CPD: variants seen among roughly 807,000 people sequenced by gnomAD.
CPD encodes the protein metallocarboxypeptidase D.
In CPD, 69 loss-of-function variants were observed where a neutral mutation model predicts 138.3. The ratio of observed to expected loss-of-function variants is 0.50; its 90% CI spans 0.41 to 0.61. The LOEUF (loss-of-function observed/expected upper bound fraction) is 0.61. CPD is among the 20% of genes least tolerant of loss of function. The probability of loss-of-function intolerance (pLI) is 0.00; values close to 1 mark genes in which losing one functional copy is unlikely to be tolerated. For synonymous variants in CPD, 651 were observed against 642.1 expected (o/e 1.01, Z -0.21); for missense variants, 1,432 against 1,733.3 (o/e 0.83, Z 3.09).
chr17:30,455,818 C>A (rs79958328), intron 15 of CPD: 79 of 248,562 alleles, frequency 3.2e-4, no homozygotes, highest in Non-Finnish European at 5.7e-4. Flanking sequence ...ACTAACAGTA[C>A]AGATTTGTCC....
rs773078547 is a variant in CPD at position 30,379,585 on chromosome 17, C to T, written c.605C>T (p.Pro202Leu). The T allele has an allele frequency of 6.7e-7, 1 of 1,501,144 alleles. No homozygotes were observed. Among genetic ancestry groups the T allele is most frequent in the East Asian group, 2.7e-5 (1 of 37,716 alleles). 93.0% of individuals were successfully genotyped at this position (1,501,144 alleles called of 1,614,324 possible). A position where few individuals can be genotyped will look rare whatever the true frequency, so the allele number is the denominator to read the frequency against. The change falls in exon 1 of 21, where the codon CCG (proline) becomes CTG (leucine). Residue 202 changes from proline (P) to leucine (L), a missense_variant. Pro to Leu is a moderately conservative substitution (Grantham distance 98, BLOSUM62 -3). Coordinates refer to ENST00000225719, the MANE Select transcript of CPD (RefSeq NM_001304.5). This position sits in a 1 kb window ranked among gnomAD's most constrained non-coding sequence, Gnocchi z 7.0. ...EGDCGFGDGG[P>L]SGASGRDNSR... Reference sequence around the variant, plus strand: ...GACTGTGGCTTCGGCGACGGCGGCCCGTCCGGGGCCAGCGGCCGCGACAAT... The same window carrying T: ...GACTGTGGCTTCGGCGACGGCGGCCTGTCCGGGGCCAGCGGCCGCGACAAT...
intron 2 of CPD, among the ~76,000 whole-genome samples, chr17:30,399,703 T>C (rs770346409): frequency 7.9e-5 from 12 of 152,216 alleles, no homozygotes; most frequent in Non-Finnish European, 1.6e-4. Context: ...TTAAAGTGAG[T>C]TTCTGACCTG....
intron 2 of CPD, among the ~76,000 whole-genome samples, chr17:30,399,168 A>T (rs1254933254): frequency 6.6e-6 from 1 of 152,088 alleles, no homozygotes; most frequent in African/African-American, 2.4e-5. Context: ...CATCGTGGTC[A>T]GAGAACACCC....
At chr17:30,395,344 T>G (rs548033900) in intron 2 of CPD, among the ~76,000 whole-genome samples, 99 of 152,246 alleles carry the variant, frequency 6.5e-4, no homozygotes, top group South Asian at 1.4e-3. Flanking sequence ...ATTAGTAAAG[T>G]GCTTTTGGTC....
intron 12 of CPD, 53 bp from the exon 13 acceptor site, chr17:30,449,500 A>C: frequency 6.8e-7 from 1 of 1,468,348 alleles, no homozygotes; most frequent in Non-Finnish European, 9.1e-7. Context: ...ATAAGTCAAC[A>C]TTAACATAGT....
chr17:30,431,958 C>A, intron 8 of CPD, 77 bp downstream of exon 8: 1 of 1,013,212 alleles, frequency 9.9e-7, no homozygotes, highest in Non-Finnish European at 1.5e-6. Context: ...TCCTGCAAGA[C>A]TCAGGTCAAG....
intron 1 of CPD, chr17:30,380,681 T>A: frequency 7.2e-7 from 1 of 1,390,894 alleles, no homozygotes. Context: ...CAGGAATTGT[T>A]CCCACTGGCA....
chr17:30,432,760 A>T (rs1003307613), intron 8 of CPD, among the ~76,000 whole-genome samples: 4 of 150,030 alleles, frequency 2.7e-5, no homozygotes, highest in East Asian at 1.9e-4. Flanking sequence ...AATAAAAAAT[A>T]AAAAAAAAAT....
intron 2 of CPD, among the ~76,000 whole-genome samples, chr17:30,411,552 C>A (rs988316927): frequency 6.6e-6 from 1 of 151,978 alleles, no homozygotes; most frequent in Non-Finnish European, 1.5e-5. Context: ...AGGCTTTTTT[C>A]GTTTCTTTTT....
At chr17:30,451,924 G>T in intron 14 of CPD, 78 bp downstream of exon 14, 1 of 1,381,870 alleles carries the variant, frequency 7.2e-7, no homozygotes. Flanking sequence ...ATCCTATTTT[G>T]TCAGTGAATA....
At chr17:30,421,889 T>TAAAA in intron 4 of CPD, 56 bp downstream of exon 4, 2 of 1,338,812 alleles carry the variant, frequency 1.5e-6, no homozygotes, top group Non-Finnish European at 2.1e-6. Flanking sequence ...CTGTTTTATA[T>TAAAA]CTGAGACAGA....
intron 8 of CPD, among the ~76,000 whole-genome samples, chr17:30,433,958 G>A (rs929743741): frequency 1.3e-5 from 2 of 152,112 alleles, no homozygotes; most frequent in Non-Finnish European, 2.9e-5. Context: ...TATAAATGAG[G>A]AAGGTGATAA....
Position 30,423,600 on chromosome 17 carries a change from C to T in CPD, c.1752C>T (p.Asn584=). 6.2e-7 allele frequency: 1 copy of T among 1,612,830 alleles called. No homozygotes were observed. The change falls in exon 6 of 21, where the codon AAC becomes AAT. Residue 584 remains asparagine, a synonymous_variant. Transcript: ENST00000225719. ...ACCTCATAGAATACCTTTGTAAGAA[C>T]TTTGGAACAGACCCTGAAGTCACAG... is the stretch of plus-strand genomic sequence containing the variant. ...LLNLIEYLCK[N]FGTDPEVTDL...
intron 2 of CPD, among the ~76,000 whole-genome samples, chr17:30,392,906 G>C (rs1911397802): frequency 6.6e-6 from 1 of 152,164 alleles, no homozygotes; most frequent in Non-Finnish European, 1.5e-5. Flanking sequence ...TAGTTGTCAG[G>C]CCTATGTATT....
In CPD at chr17:30,456,457, T is replaced by A; in HGVS notation, c.3434-5T>A. 1.2e-6 allele frequency: 2 copies of A among 1,613,986 alleles called. No homozygotes were observed. Among genetic ancestry groups the A allele is most frequent in the Non-Finnish European group, 1.7e-6 (2 of 1,179,826 alleles). On this transcript the variant is annotated splice_polypyrimidine_tract_variant and splice_region_variant and intron_variant, in intron 16 of 20. Transcript: ENST00000225719. ...CTGATTCCACATCTCTTAATGCTTT[T>A]ATAGATGAGAATATTCCAGGAGGAG...
intron 7 of CPD, 61 bp from the exon 8 acceptor site, chr17:30,431,711 T>C: frequency 8.9e-7 from 1 of 1,123,884 alleles, no homozygotes; most frequent in Non-Finnish European, 1.3e-6. Flanking sequence ...CTGAAAAGCT[T>C]TATGTTAATA....
At chr17:30,439,571 A>T (rs1912804253) in intron 9 of CPD, among the ~76,000 whole-genome samples, 1 of 80,986 alleles carries the variant, frequency 1.2e-5, no homozygotes, top group Non-Finnish European at 2.4e-5. Flanking sequence ...CCCCCACCCC[A>T]CCACAGTCCC....
chr17:30,414,473 C>T (rs1259402933), intron 2 of CPD, among the ~76,000 whole-genome samples: 4 of 151,954 alleles, frequency 2.6e-5, no homozygotes, highest in African/African-American at 9.7e-5. Flanking sequence ...GTCCCAGCTA[C>T]TCGGGAAGCT....
chr17:30,443,731 A>T, intron 10 of CPD, 71 bp from the exon 11 acceptor site: 1 of 1,399,406 alleles, frequency 7.1e-7, no homozygotes, highest in East Asian at 2.3e-5. Flanking sequence ...TGTTATTTTG[A>T]ATATGACCTC....
Sources: allele counts gnomAD v4.1 joint callset (sites outside exome capture counted in the v4.1 genomes callset), GRCh38; gene constraint gnomAD v4.1.1; non-coding constraint Gnocchi (gnomAD v3.1); transcripts MANE v1.5; gene names NCBI Gene and HGNC (gene_info 2026-07-23, HGNC 2026-07-21).